Variants in NUP88 observed in about 807,000 individuals in gnomAD.
The protein encoded by NUP88 is nuclear pore complex protein Nup88.
A neutral mutation model predicts 93.9 loss-of-function variants in NUP88; 57 were observed. The ratio of observed to expected loss-of-function variants is 0.61; its 90% CI spans 0.49 to 0.76. The LOEUF (loss-of-function observed/expected upper bound fraction) is 0.76, where lower values mean the gene tolerates loss of function less well. Ranked by LOEUF, NUP88 falls within the 30% of genes least tolerant of loss-of-function variation. NUP88 has a pLI of 0.00. For missense variants in NUP88, 911 were observed against 901.0 expected, an observed-to-expected ratio of 1.01 and a Z score of -0.14; for synonymous variants, 346 against 336.8, an observed-to-expected ratio of 1.03 and a Z score of -0.30.
At chr17:5,413,629 A>G (rs906187208) in intron 3 of NUP88, among the ~76,000 whole-genome samples, 3 of 152,218 alleles carry the variant, frequency 2.0e-5, no homozygotes, top group South Asian at 2.1e-4. Flanking sequence ...CCCAACCCCT[A>G]AAAAGCTCAA....
At chr17:5,389,287 CTTAT>C (rs917671925) in intron 10 of NUP88, among the ~76,000 whole-genome samples, 5 of 152,222 alleles carry the variant, frequency 3.3e-5, no homozygotes, top group African/African-American at 1.2e-4. Flanking sequence ...ACATAAATTA[CTTAT>C]TTGTTAGGTT....
chr17:5,403,449 C>T (rs1913288109), intron 7 of NUP88, among the ~76,000 whole-genome samples: 1 of 152,024 alleles, frequency 6.6e-6, no homozygotes, highest in South Asian at 2.1e-4. Context: ...TGCACTTCAG[C>T]CTGGGCAACA....
Position 5,399,641 on chromosome 17 carries a change from C to T in NUP88, c.1202G>A (p.Cys401Tyr), listed in dbSNP as rs1414774243. The T allele has an allele frequency of 4.4e-6, 7 of 1,578,360 alleles. No individual in the cohort carries two copies. Among genetic ancestry groups the T allele is most frequent in the Non-Finnish European group, 6.1e-6 (7 of 1,152,076 alleles). The change falls in exon 8 of 17, where the codon TGT becomes TAT. Residue 401 changes from cysteine to tyrosine, a missense_variant. By Grantham distance (194) the Cys-to-Tyr change is radical (BLOSUM62 -2). Coordinates refer to ENST00000573584, the MANE Select transcript of NUP88 (RefSeq NM_002532.6). ...CPVKLHRDPK[C>Y]PSRYHCTHEA... is the part of the protein sequence containing the mutation. Reference sequence around the variant, plus strand: ...ATGAGTACAGTGATATCTTGAAGGACACTTGGGATCTGCAAATGGAATGAT... The same window carrying T: ...ATGAGTACAGTGATATCTTGAAGGATACTTGGGATCTGCAAATGGAATGAT...
intron 8 of NUP88, among the ~76,000 whole-genome samples, chr17:5,396,270 A>AACCC (rs1912769809): frequency 6.6e-6 from 1 of 152,198 alleles, no homozygotes; most frequent in Admixed American, 6.5e-5. Flanking sequence ...CCCCAAAAGA[A>AACCC]ACCCACATAA....
chr17:5,387,053 C>T lies in NUP88; in HGVS notation c.1974G>A (p.Glu658=), dbSNP rs1055622995. The part of the protein sequence containing the change: ...HSELPVLSDS[E]RDMKKELQLI... The stretch of plus-strand genomic sequence containing the variant: ...GCTGTAATTCTTTCTTCATGTCTCG[C>T]TCACTATCAGAGAGAACTGGGAGCT... Residue 658 remains glutamate (E), a synonymous_variant, in exon 15 of 17, where the codon GAG becomes GAA. Transcript: ENST00000573584. 3 of 1,614,118 alleles carry T rather than the reference C, an allele frequency of 1.9e-6. No individual in the cohort carries two copies. The highest frequency in any genetic ancestry group is 3.3e-5 in the Admixed American group (2 of 60,028).
chr17:5,401,940 TTA>T (rs1459714960), intron 7 of NUP88, among the ~76,000 whole-genome samples: 2 of 152,204 alleles, frequency 1.3e-5, no homozygotes, highest in Middle Eastern at 3.2e-3. Context: ...GCCTCAGTGA[TTA>T]TAATATGCCT....
At chr17:5,392,244 C>T (rs1297054838) in intron 9 of NUP88, among the ~76,000 whole-genome samples, 1 of 152,202 alleles carries the variant, frequency 6.6e-6, no homozygotes, top group Non-Finnish European at 1.5e-5. Context: ...ATGTGGATGC[C>T]GCCTCCTCTC....
At chr17:5,400,584 G>A (rs1323757617) in intron 7 of NUP88, among the ~76,000 whole-genome samples, 1 of 151,834 alleles carries the variant, frequency 6.6e-6, no homozygotes, top group Non-Finnish European at 1.5e-5. Context: ...ATACTTGCTG[G>A]CAAGTAACTC....
At position 5,387,405 on chromosome 17, in the gene NUP88, G is replaced by C. The variant is rs779001831; in HGVS notation, c.1897C>G (p.Gln633Glu). 3.7e-6 allele frequency: 6 copies of C among 1,613,830 alleles called. No individual in the cohort carries two copies. Among genetic ancestry groups the C allele is most frequent in the Non-Finnish European group, 4.2e-6 (5 of 1,179,846 alleles). The change falls in exon 14 of 17, where the codon CAA becomes GAA. Residue 633 changes from glutamine to glutamate, a missense_variant. Physicochemically the swap from Gln to Glu is conservative, Grantham distance 29 (BLOSUM62 2). Transcript: ENST00000573584. ...ADKYEEAKEKQEDIMNRMKKL... is the reference protein window; with the variant it reads ...ADKYEEAKEKEEDIMNRMKKL... ...ACTGACCTGTTCATGATATCCTCTTGTTTTTCTTTAGCTTCCTCATATTTG... is the reference window on the plus strand; with the variant it reads ...ACTGACCTGTTCATGATATCCTCTTCTTTTTCTTTAGCTTCCTCATATTTG...
intron 2 of NUP88, among the ~76,000 whole-genome samples, chr17:5,415,594 T>C (rs890762743): frequency 2.0e-5 from 3 of 152,164 alleles, no homozygotes; most frequent in Non-Finnish European, 4.4e-5. Context: ...AACTTTACAA[T>C]GGGTTTACCA....
rs548128131 is a variant in NUP88, at chr17:5,408,345, A to G, written c.857+388T>C. Among the ~76,000 whole-genome samples the G allele has an allele frequency of 3.9e-5, 6 of 152,176 alleles. No homozygotes were observed. The South Asian group carries it at 1.2e-3, about 32-fold the overall frequency. On this transcript the variant is annotated intron_variant, in intron 5 of 16. Transcript: ENST00000573584. Reference sequence around the variant, plus strand: ...GGGTTCTTACTGTCTGTGTACCAATACTGTGGTATGGATAGTATTTTTTCA... The same window carrying G: ...GGGTTCTTACTGTCTGTGTACCAATGCTGTGGTATGGATAGTATTTTTTCA...
intron 8 of NUP88, among the ~76,000 whole-genome samples, chr17:5,398,854 G>C (rs983740207): frequency 6.7e-6 from 1 of 150,144 alleles, no homozygotes; most frequent in Non-Finnish European, 1.5e-5. Flanking sequence ...GCCTCCCAAA[G>C]TGCTGGGATT....
intron 1 of NUP88, among the ~76,000 whole-genome samples, chr17:5,417,487 C>T (rs376922757): frequency 1.3e-5 from 2 of 150,726 alleles, no homozygotes; most frequent in East Asian, 2.0e-4. Context: ...AAATAAAATA[C>T]GTTTTTAAAA....
At chr17:5,393,287 G>A (rs1912558825) in intron 9 of NUP88, among the ~76,000 whole-genome samples, 1 of 151,618 alleles carries the variant, frequency 6.6e-6, no homozygotes. Flanking sequence ...TTTTTGTAAA[G>A]GGTCTCACTA....
At chr17:5,396,745 A>G (rs1465003558) in intron 8 of NUP88, among the ~76,000 whole-genome samples, 1 of 152,214 alleles carries the variant, frequency 6.6e-6, no homozygotes, top group African/African-American at 2.4e-5. Context: ...ACATTTCTAT[A>G]AGCACTGTAT....
At position 5,388,865 on chromosome 17, in the gene NUP88, T is replaced by A. The variant is rs751407919; in HGVS notation, c.1580A>T (p.Asp527Val). ...GCTTCTAATATGCTTTTCAAAGGAA[T>A]CTGGGGTTTCAGCCAGAACACGGAG... ...SPLRVLAETP[D>V]SFEKHIRSIL... is the part of the protein sequence containing the mutation. Residue 527 changes from aspartate to valine, a missense_variant, in exon 11 of 17, where the codon GAT becomes GTT. Coordinates refer to ENST00000573584, the MANE Select transcript of NUP88 (RefSeq NM_002532.6). 7 of 1,614,072 alleles carry A rather than the reference T, an allele frequency of 4.3e-6. No homozygotes were observed. The highest frequency in any genetic ancestry group is 5.9e-6 in the Non-Finnish European group (7 of 1,179,964).
At chr17:5,392,027 C>T (rs1022184191) in intron 9 of NUP88, among the ~76,000 whole-genome samples, 2 of 152,234 alleles carry the variant, frequency 1.3e-5, no homozygotes, top group Non-Finnish European at 2.9e-5. Flanking sequence ...ACAGAACTAC[C>T]GAGTCTCTCT....
At chr17:5,391,327 A>T (rs1332732266) in intron 10 of NUP88, 1 of 447,440 alleles carries the variant, frequency 2.2e-6, no homozygotes, top group African/African-American at 2.0e-5. Context: ...CCACACTCTG[A>T]AGAAAAGCTC....
chr17:5,411,625 A>G (rs992738186), intron 3 of NUP88, among the ~76,000 whole-genome samples: 1 of 149,624 alleles, frequency 6.7e-6, no homozygotes, highest in Non-Finnish European at 1.5e-5. Context: ...GTATCGTATC[A>G]TCTCTATTTT....
Sources: allele counts gnomAD v4.1 joint callset (sites outside exome capture counted in the v4.1 genomes callset), GRCh38; gene constraint gnomAD v4.1.1; transcripts MANE v1.5; gene names NCBI Gene and HGNC (gene_info 2026-07-23, HGNC 2026-07-21).